The following ANO4 variants were observed in gnomAD, a reference collection of about 807,000 sequenced individuals.
ANO4 encodes the protein anoctamin-4.
A neutral mutation model predicts 141.9 loss-of-function variants in ANO4; 69 were observed. The observed-to-expected ratio is 0.49, with a 90% CI of 0.40 to 0.59. The LOEUF (loss-of-function observed/expected upper bound fraction) is 0.59, where lower values mean the gene tolerates loss of function less well. Among genes scored for constraint, ANO4 ranks in the 20% least tolerant of loss-of-function variants. The probability of loss-of-function intolerance (pLI) is 0.00; values close to 1 mark genes in which losing one functional copy is unlikely to be tolerated. For synonymous variants in ANO4, 350 were observed against 394.3 expected, an observed-to-expected ratio of 0.89 and a Z score of 1.33; for missense variants, 894 against 1,162.2, an observed-to-expected ratio of 0.77 and a Z score of 3.36.
chr12:101,044,194 TAGAA>T (rs1447952158), intron 13 of ANO4, among the ~76,000 whole-genome samples: 1 of 152,192 alleles, frequency 6.6e-6, no homozygotes, highest in Non-Finnish European at 1.5e-5. Flanking sequence ...TCTTTTTTCA[TAGAA>T]AGAAGCTCAG....
At chr12:101,005,064 T>C (rs2045816105) in intron 8 of ANO4, among the ~76,000 whole-genome samples, 1 of 152,212 alleles carries the variant, frequency 6.6e-6, no homozygotes, top group Non-Finnish European at 1.5e-5. Context: ...ACTCAGCTCA[T>C]ATAAAAATGA....
At chr12:101,119,971 G>C (rs2051016338) in intron 25 of ANO4, among the ~76,000 whole-genome samples, 1 of 152,176 alleles carries the variant, frequency 6.6e-6, no homozygotes, top group African/African-American at 2.4e-5. Context: ...TCTTCTAGTG[G>C]CAAGTGGCAG....
At chr12:101,093,041 A>G (rs769702527) in intron 17 of ANO4, among the ~76,000 whole-genome samples, 2 of 152,154 alleles carry the variant, frequency 1.3e-5, no homozygotes, top group Non-Finnish European at 2.9e-5. Context: ...TTTTGTTTTT[A>G]TGATCAAATG....
At chr12:101,012,986 A>G (rs2046161663) in intron 8 of ANO4, among the ~76,000 whole-genome samples, 1 of 152,140 alleles carries the variant, frequency 6.6e-6, no homozygotes, top group Non-Finnish European at 1.5e-5. Context: ...GTTCAAGGGT[A>G]CATCTGGAGA....
At chr12:100,821,464 C>T (rs952046379) in intron 1 of ANO4, among the ~76,000 whole-genome samples, 3 of 151,968 alleles carry the variant, frequency 2.0e-5, no homozygotes, top group Non-Finnish European at 4.4e-5. Flanking sequence ...AATAAAATGA[C>T]TCAGTTCATT....
intron 1 of ANO4, among the ~76,000 whole-genome samples, chr12:100,856,772 T>C (rs932580636): frequency 6.6e-6 from 1 of 152,102 alleles, no homozygotes; most frequent in African/African-American, 2.4e-5. Flanking sequence ...CAGCTTCGCA[T>C]TGTGGAAGAA....
intron 2 of ANO4, among the ~76,000 whole-genome samples, chr12:100,920,243 A>G (rs2041569097): frequency 6.6e-6 from 1 of 152,040 alleles, no homozygotes; most frequent in Admixed American, 6.6e-5. Context: ...CTGCTTGGAT[A>G]TGGGTGATTT....
At chr12:101,002,528 T>C (rs1217400666) in intron 8 of ANO4, among the ~76,000 whole-genome samples, 1 of 152,214 alleles carries the variant, frequency 6.6e-6, no homozygotes, top group Non-Finnish European at 1.5e-5. Flanking sequence ...TCCTGCAGCA[T>C]GGGAATGGAA....
At chr12:100,893,100 A>T (rs576950554) in intron 1 of ANO4, among the ~76,000 whole-genome samples, 1 of 152,048 alleles carries the variant, frequency 6.6e-6, no homozygotes, top group Non-Finnish European at 1.5e-5. Context: ...GGGACATGTG[A>T]GCTGAGGGTT....
Position 101,111,677 on chromosome 12 carries a change from G to C in ANO4, c.2417G>C (p.Gly806Ala). Reference protein sequence around the residue: ...IPRLVYAYKYGPCAGQGEAGQ... With the variant: ...IPRLVYAYKYAPCAGQGEAGQ... ...CGCTTGGTGTATGCTTATAAGTATG[G>C]ACCTTGTGCAGGCCAAGGAGAAGCT... Residue 806 changes from glycine to alanine, a missense_variant, in exon 24 of 28, where the codon GGA becomes GCA. Transcript: ENST00000392977. 1 of 1,608,526 alleles carries C rather than the reference G, an allele frequency of 6.2e-7. No individual in the cohort carries two copies. Among genetic ancestry groups the C allele is most frequent in the Non-Finnish European group, 8.5e-7 (1 of 1,177,840 alleles).
At chr12:100,819,759 T>A (rs11110536) in intron 1 of ANO4, among the ~76,000 whole-genome samples, 37,978 of 151,636 alleles carry the variant, frequency 0.25, 5,995 homozygotes, top group East Asian at 0.46. Context: ...AAATTTTTTT[T>A]AAAAAACTGT....
At chr12:100,982,864 AC>A (rs2044542771) in intron 7 of ANO4, among the ~76,000 whole-genome samples, 1 of 152,258 alleles carries the variant, frequency 6.6e-6, no homozygotes, top group Admixed American at 6.5e-5. Context: ...AGATATTATC[AC>A]CCAAATCACC....
At chr12:100,869,778 C>T (rs927386848) in intron 1 of ANO4, among the ~76,000 whole-genome samples, 11 of 152,156 alleles carry the variant, frequency 7.2e-5, no homozygotes, top group African/African-American at 2.7e-4. Context: ...TGTACACCTT[C>T]TAAGGCTGTG....
At chr12:100,933,226 C>T (rs2042153223) in intron 3 of ANO4, among the ~76,000 whole-genome samples, 1 of 151,946 alleles carries the variant, frequency 6.6e-6, no homozygotes, top group Non-Finnish European at 1.5e-5. Flanking sequence ...CCCATCAACT[C>T]ATCATTTACA....
chr12:101,075,800 C>T (rs1001566942), intron 14 of ANO4, among the ~76,000 whole-genome samples: 1 of 151,228 alleles, frequency 6.6e-6, no homozygotes, highest in African/African-American at 2.4e-5. Context: ...AGTGTGAGCT[C>T]ATGACATAAG....
intron 9 of ANO4, among the ~76,000 whole-genome samples, chr12:101,032,474 A>G (rs2047013191): frequency 6.6e-6 from 1 of 152,192 alleles, no homozygotes; most frequent in South Asian, 2.1e-4. Flanking sequence ...AATGGGATCT[A>G]ATTAAACTAA....
chr12:100,767,700 T>A lies in ANO4; in HGVS notation c.358+27595T>A, dbSNP rs1163619115. Among the ~76,000 whole-genome samples, 9 of 152,328 alleles carry A rather than the reference T, an allele frequency of 5.9e-5. No homozygotes were observed. In the South Asian group the frequency reaches 1.9e-3, roughly 32 times the overall value. Reference sequence around the variant, plus strand: ...AATTTAAAACCTATGAATTGTTTATTTCTGGAATTTTTCATTTAATAATTT... The same window carrying A: ...AATTTAAAACCTATGAATTGTTTATATCTGGAATTTTTCATTTAATAATTT... On this transcript the variant is annotated intron_variant, in intron 3 of 29. Transcript: ENST00000644049.
intron 5 of ANO4, among the ~76,000 whole-genome samples, chr12:100,956,802 C>T (rs911740241): frequency 6.6e-6 from 1 of 152,198 alleles, no homozygotes; most frequent in African/African-American, 2.4e-5. Flanking sequence ...CTGCACGTAT[C>T]TGTAGAAACT....
At chr12:101,114,707 C>G (rs889132436) in intron 24 of ANO4, among the ~76,000 whole-genome samples, 4 of 151,964 alleles carry the variant, frequency 2.6e-5, no homozygotes, top group African/African-American at 9.7e-5. Flanking sequence ...TCCCACAGCT[C>G]AGATCTCTAG....
Sources: gnomAD v4.1 joint callset for allele counts (sites outside exome capture counted in the v4.1 genomes callset) on GRCh38, gnomAD v4.1.1 for gene constraint, MANE v1.5 for transcripts, NCBI Gene and HGNC (gene_info 2026-07-23, HGNC 2026-07-21) for gene names.